SYNPR: variants seen among roughly 807,000 people sequenced by gnomAD.
SYNPR encodes the protein synaptoporin.
In SYNPR, 23 loss-of-function variants were observed where a neutral mutation model predicts 32.9. The observed-to-expected ratio is 0.70, with a 90% confidence interval of 0.50 to 0.99. The LOEUF is 0.99. SYNPR is among the 50% of genes least tolerant of loss of function. The probability of loss-of-function intolerance (pLI) is 0.00; values close to 1 mark genes in which losing one functional copy is unlikely to be tolerated. For missense variants in SYNPR, 318 were observed against 349.3 expected (o/e 0.91, Z 0.71); for synonymous variants, 146 against 135.9 (o/e 1.07, Z -0.52).
chr3:63,554,838 T>A (rs1702567093), intron 3 of SYNPR, among the ~76,000 whole-genome samples: 2 of 152,174 alleles, frequency 1.3e-5, no homozygotes, highest in Admixed American at 1.3e-4. Flanking sequence ...ATTCTTCCAA[T>A]CCATGAACAT....
chr3:63,594,536 T>A (rs1449045104), intron 4 of SYNPR, among the ~76,000 whole-genome samples: 1 of 152,194 alleles, frequency 6.6e-6, no homozygotes, highest in African/African-American at 2.4e-5. Flanking sequence ...ATATAGACTG[T>A]GGAGCCAAAC....
In SYNPR at chr3:63,408,315, GGAAGGAAAGAAAGAAAGAAAGAAAGAAA is replaced by G. The variant is rs1162963585; in HGVS notation, c.85-72513_85-72486del. Among the ~76,000 whole-genome samples the G allele has an allele frequency of 1.2e-4, 5 of 42,066 alleles. No individual in the cohort carries two copies. In the East Asian group the frequency reaches 4.1e-3, roughly 35 times the overall value. 27.6% of individuals were successfully genotyped at this position (42,066 alleles called of 152,430 possible). Reference sequence around the variant, plus strand: ...AGGAAGGAAGGAAGGAAGGAAGGAAGGAAGGAAAGAAAGAAAGAAAGAAAGAAAGAAAGAAAGAAAGAAAGAAAGAAAG... The same window carrying G: ...AGGAAGGAAGGAAGGAAGGAAGGAAGGAAAGAAAGAAAGAAAGAAAGAAAG... On this transcript the variant is annotated intron_variant, in intron 2 of 5. Coordinates refer to ENST00000478300, the MANE Select transcript of SYNPR (RefSeq NM_001130003.2).
intron 1 of SYNPR, among the ~76,000 whole-genome samples, chr3:63,229,421 C>T (rs2086151827): frequency 6.6e-6 from 1 of 152,042 alleles, no homozygotes; most frequent in Non-Finnish European, 1.5e-5. Flanking sequence ...TATTCTAGGT[C>T]AGGAAAACAG....
intron 2 of SYNPR, among the ~76,000 whole-genome samples, chr3:63,264,452 C>A (rs778899882): frequency 6.6e-6 from 1 of 152,098 alleles, no homozygotes; most frequent in African/African-American, 2.4e-5. Context: ...AGAGAAACTC[C>A]TCGAGCTTTT....
chr3:63,369,891 A>G (rs1269717324), intron 2 of SYNPR, among the ~76,000 whole-genome samples: 4 of 152,228 alleles, frequency 2.6e-5, no homozygotes, highest in Non-Finnish European at 5.9e-5. Context: ...AAGACTAAGA[A>G]GAATTTTCTT....
chr3:63,491,622 G>C (rs949704362), intron 3 of SYNPR, among the ~76,000 whole-genome samples: 1 of 152,156 alleles, frequency 6.6e-6, no homozygotes, highest in Non-Finnish European at 1.5e-5. Flanking sequence ...CTGGGTTCAA[G>C]TGATTCTCGT....
intron 2 of SYNPR, among the ~76,000 whole-genome samples, chr3:63,447,284 A>G (rs991992512): frequency 6.6e-6 from 1 of 152,190 alleles, no homozygotes; most frequent in African/African-American, 2.4e-5. Context: ...CCCTAGCTAG[A>G]AGATGCTGCT....
chr3:63,601,137 T>C (rs1700034975), intron 4 of SYNPR, among the ~76,000 whole-genome samples: 2 of 152,086 alleles, frequency 1.3e-5, no homozygotes, highest in South Asian at 4.1e-4. Flanking sequence ...CCGGGCTTGG[T>C]GGCACATGGC....
intron 3 of SYNPR, among the ~76,000 whole-genome samples, chr3:63,536,007 T>A (rs562645863): frequency 1.3e-5 from 2 of 152,194 alleles, no homozygotes; most frequent in Non-Finnish European, 2.9e-5. Context: ...AGTTCATGCC[T>A]GTAACCCCAG....
chr3:63,533,751 G>C (rs1702152115), intron 3 of SYNPR, among the ~76,000 whole-genome samples: 1 of 152,108 alleles, frequency 6.6e-6, no homozygotes, highest in South Asian at 2.1e-4. Context: ...TGCTATTCAG[G>C]GTTCAAAATC....
chr3:63,365,541 G>T (rs759450675), intron 2 of SYNPR, among the ~76,000 whole-genome samples: 19 of 152,070 alleles, frequency 1.2e-4, no homozygotes, highest in Non-Finnish European at 2.2e-4. Flanking sequence ...TAAAACTGAA[G>T]AATTACTGAC....
At position 63,338,283 on chromosome 3, in the gene SYNPR, G is replaced by C. The variant is rs186536584; in HGVS notation, c.84+59541G>C. 7.2e-5 allele frequency among the ~76,000 whole-genome samples: 11 copies of C among 152,260 alleles called. No individual in the cohort carries two copies. In the East Asian group the frequency reaches 1.5e-3, roughly 21 times the overall value. On this transcript the variant is annotated intron_variant, in intron 2 of 5. Transcript: ENST00000478300. ...CAATGGCTAAGTAGTTCTGCTTCTC[G>C]TCTAGTCACTACCCCATGAGAAGGT...
intron 2 of SYNPR, among the ~76,000 whole-genome samples, chr3:63,254,562 G>C (rs1364786569): frequency 6.6e-6 from 1 of 152,146 alleles, no homozygotes; most frequent in African/African-American, 2.4e-5. Flanking sequence ...CTGAGTACGT[G>C]TTAGACCAAG....
chr3:63,424,198 C>T (rs1278899011), intron 2 of SYNPR, among the ~76,000 whole-genome samples: 1 of 152,116 alleles, frequency 6.6e-6, no homozygotes, highest in Admixed American at 6.6e-5. Flanking sequence ...AAGCTGGGTG[C>T]AAGGTATATG....
intron 2 of SYNPR, among the ~76,000 whole-genome samples, chr3:63,345,213 G>T (rs2087422412): frequency 6.6e-6 from 1 of 152,178 alleles, no homozygotes; most frequent in African/African-American, 2.4e-5. Context: ...TACAAAGGTG[G>T]TTTTAGTCTC....
At chr3:63,409,088 T>C (rs2088427385) in intron 2 of SYNPR, among the ~76,000 whole-genome samples, 1 of 152,148 alleles carries the variant, frequency 6.6e-6, no homozygotes, top group South Asian at 2.1e-4. Flanking sequence ...CTTTCTTTCT[T>C]CTTGTTCCAA....
rs558919129 is a variant in SYNPR at position 63,515,674 on chromosome 3, T to C, written c.209+34718T>C. Reference sequence around the variant, plus strand: ...ATGTGTATTGTAAATGATCTGGATCTTTTTTAATGACTCTGTTTTTATTAC... The same window carrying C: ...ATGTGTATTGTAAATGATCTGGATCCTTTTTAATGACTCTGTTTTTATTAC... On this transcript the variant is annotated intron_variant, in intron 3 of 5. Transcript: ENST00000478300. Among the ~76,000 whole-genome samples the C allele has an allele frequency of 2.6e-5, 4 of 152,254 alleles. No individual in the cohort carries two copies. The South Asian group carries it at 8.3e-4, about 32-fold the overall frequency.
At chr3:63,577,743 T>A (rs990917451) in intron 4 of SYNPR, among the ~76,000 whole-genome samples, 12 of 152,126 alleles carry the variant, frequency 7.9e-5, no homozygotes, top group African/African-American at 2.9e-4. Flanking sequence ...TTGTAGTGCA[T>A]GGATACATTC....
intron 2 of SYNPR, among the ~76,000 whole-genome samples, chr3:63,335,766 CTTTTTTTTTTT>C (rs3082128): frequency 3.3e-5 from 3 of 91,474 alleles, no homozygotes; most frequent in African/African-American, 4.9e-5. Flanking sequence ...TATTAGCTTC[CTTTTTTTTTTT>C]TTTTTTTTTT....
Sources: gnomAD v4.1 joint callset for allele counts (sites outside exome capture counted in the v4.1 genomes callset) on GRCh38, gnomAD v4.1.1 for gene constraint, MANE v1.5 for transcripts, NCBI Gene and HGNC (gene_info 2026-07-23, HGNC 2026-07-21) for gene names.